PTPRC: variants seen among roughly 807,000 people sequenced by gnomAD.
The protein encoded by PTPRC is protein tyrosine phosphatase receptor type C, also known as receptor-type tyrosine-protein phosphatase C.
PTPRC carries 44 observed loss-of-function variants against 155.9 expected under a neutral mutation model. The observed-to-expected ratio is 0.28, with a 90% CI of 0.22 to 0.36. The LOEUF (loss-of-function observed/expected upper bound fraction) is 0.36, where lower values mean the gene tolerates loss of function less well. Among genes scored for constraint, PTPRC ranks in the 10% least tolerant of loss-of-function variants. The pLI is 1.00. For synonymous variants in PTPRC, 525 were observed against 533.1 expected, an observed-to-expected ratio of 0.98 and a Z score of 0.21; for missense variants, 1,401 against 1,564.6, an observed-to-expected ratio of 0.90 and a Z score of 1.76.
At chr1:198,718,804 C>T (rs1653731957) in intron 14 of PTPRC, among the ~76,000 whole-genome samples, 1 of 152,064 alleles carries the variant, frequency 6.6e-6, no homozygotes, top group Non-Finnish European at 1.5e-5. Context: ...TCATAATATA[C>T]ACATTTATAT....
intron 28 of PTPRC, 106 bp from the exon 29 acceptor site, chr1:198,750,386 T>A (rs781602306): frequency 2.6e-6 from 3 of 1,169,572 alleles, no homozygotes; most frequent in Non-Finnish European, 3.9e-6. Context: ...TATTTGTATG[T>A]AACAGCATTG....
At chr1:198,737,016 T>C (rs533818634) in intron 23 of PTPRC, among the ~76,000 whole-genome samples, 1 of 151,898 alleles carries the variant, frequency 6.6e-6, no homozygotes, top group East Asian at 1.9e-4. Flanking sequence ...TCAGATCTTT[T>C]GCCTATTTAA....
chr1:198,725,889 T>G (rs536964477), intron 15 of PTPRC, among the ~76,000 whole-genome samples: 1 of 152,202 alleles, frequency 6.6e-6, no homozygotes, highest in African/African-American at 2.4e-5. Flanking sequence ...GTTTTCTACC[T>G]TCTACAACTT....
intron 26 of PTPRC, among the ~76,000 whole-genome samples, chr1:198,747,546 G>A (rs1309361494): frequency 6.6e-6 from 1 of 151,822 alleles, no homozygotes; most frequent in East Asian, 1.9e-4. Context: ...AATTGTTGAT[G>A]TTTTACAAGC....
In PTPRC at chr1:198,677,421, C is replaced by T. The variant is rs945638369; in HGVS notation, c.74-14926C>T. Among the ~76,000 whole-genome samples the T allele has an allele frequency of 3.3e-5, 5 of 151,948 alleles. No individual in the cohort carries two copies. The South Asian group carries it at 6.2e-4, about 19-fold the overall frequency. The stretch of plus-strand genomic sequence containing the variant: ...TTTCAGCCAGGAAGAACAACTTTTA[C>T]TTTCTGAAATGTACTAGATTCTCAA... On this transcript the variant is annotated intron_variant, in intron 2 of 32. Transcript: ENST00000442510.
rs117446946 is a variant in PTPRC, at chr1:198,730,665, G to A, written c.1865-952G>A. Among the ~76,000 whole-genome samples, 9 of 152,190 alleles carry A rather than the reference G, an allele frequency of 5.9e-5. No homozygotes were observed. The East Asian group carries it at 1.2e-3, about 20-fold the overall frequency. On this transcript the variant is annotated intron_variant, in intron 17 of 32. Transcript: ENST00000442510. ...AATATTTTATCTCAAAATTGGTACCGATTGCACCTTGGAACGCAGTAGAAT... is the reference window on the plus strand; with the variant it reads ...AATATTTTATCTCAAAATTGGTACCAATTGCACCTTGGAACGCAGTAGAAT...
At chr1:198,743,311 T>G (rs1225578307) in intron 25 of PTPRC, among the ~76,000 whole-genome samples, 2 of 151,696 alleles carry the variant, frequency 1.3e-5, no homozygotes, top group Admixed American at 1.3e-4. Flanking sequence ...ATTTATGTGA[T>G]TTAAAAAAAA....
chr1:198,732,171 A>T, intron 18 of PTPRC, 129 bp from the exon 19 acceptor site: 34 of 804,682 alleles, frequency 4.2e-5, no homozygotes. Context: ...GATTACTCTA[A>T]GCAAATTTTT....
At chr1:198,753,419 GA>G (rs991717500) in intron 31 of PTPRC, among the ~76,000 whole-genome samples, 6 of 151,764 alleles carry the variant, frequency 4.0e-5, no homozygotes, top group African/African-American at 1.5e-4. Context: ...AAGTTTACAT[GA>G]AAAAGAATAT....
chr1:198,704,471 G>A lies in PTPRC; in HGVS notation c.659-1G>A, dbSNP rs1666624060. The A allele has an allele frequency of 6.2e-7, 1 of 1,613,716 alleles. No individual in the cohort carries two copies. On this transcript the variant is annotated splice_acceptor_variant, in intron 7 of 32. Transcript: ENST00000442510. LOFTEE classifies it high-confidence loss of function. The stretch of plus-strand genomic sequence containing the variant: ...ATTTACATTTTTTTTCTCCATTACA[G>A]CTACTACTCCATCTAAGCCAACATG...
At chr1:198,750,353 T>C (rs1430801028) in intron 28 of PTPRC, 139 bp from the exon 29 acceptor site, 4 of 892,666 alleles carry the variant, frequency 4.5e-6, no homozygotes, top group Non-Finnish European at 7.3e-6. Flanking sequence ...CATTGTTTCT[T>C]GTAAGAAACA....
chr1:198,665,262 C>CTT (rs758524383), intron 2 of PTPRC, among the ~76,000 whole-genome samples: 11 of 140,006 alleles, frequency 7.9e-5, no homozygotes, highest in African/African-American at 2.3e-4. Context: ...GCTAATTTTT[C>CTT]TTTTTTTTTT....
intron 11 of PTPRC, among the ~76,000 whole-genome samples, chr1:198,710,188 A>G (rs1653221403): frequency 6.6e-6 from 1 of 152,116 alleles, no homozygotes; most frequent in Non-Finnish European, 1.5e-5. Flanking sequence ...TTCCAGCGCC[A>G]TTTGCTGAAA....
chr1:198,713,193 A>G, intron 12 of PTPRC, 121 bp downstream of exon 12: 3 of 1,366,066 alleles, frequency 2.2e-6, no homozygotes, highest in South Asian at 1.3e-5. Context: ...TAGGCATAGT[A>G]TACTCCCTGA....
At chr1:198,711,041 A>C (rs955077941) in intron 11 of PTPRC, among the ~76,000 whole-genome samples, 4 of 152,076 alleles carry the variant, frequency 2.6e-5, no homozygotes, top group Non-Finnish European at 5.9e-5. Flanking sequence ...TTTTTAGTAG[A>C]GATCAATCTC....
At chr1:198,751,988 T>G (rs551172257) in intron 29 of PTPRC, among the ~76,000 whole-genome samples, 1 of 152,196 alleles carries the variant, frequency 6.6e-6, no homozygotes, top group African/African-American at 2.4e-5. Flanking sequence ...GGAAAACAGC[T>G]GTTCCGGGGG....
At chr1:198,691,875 A>ATTGTTT (rs1331330922) in intron 2 of PTPRC, among the ~76,000 whole-genome samples, 2 of 151,900 alleles carry the variant, frequency 1.3e-5, no homozygotes, top group Non-Finnish European at 2.9e-5. Context: ...GTATTGATTG[A>ATTGTTT]TTGTTTTTGT....
At chr1:198,711,645 C>T (rs182851543) in intron 11 of PTPRC, among the ~76,000 whole-genome samples, 4 of 152,174 alleles carry the variant, frequency 2.6e-5, no homozygotes, top group Admixed American at 2.6e-4. Flanking sequence ...ATTGAATATT[C>T]CTGCTCTTTG....
chr1:198,719,459 C>T (rs1653771484), intron 14 of PTPRC, among the ~76,000 whole-genome samples: 2 of 152,166 alleles, frequency 1.3e-5, no homozygotes, highest in Non-Finnish European at 2.9e-5. Context: ...CTTTGTCTTA[C>T]ATAATTCCCC....
Sources: gnomAD v4.1 joint callset for allele counts (sites outside exome capture counted in the v4.1 genomes callset) on GRCh38, gnomAD v4.1.1 for gene constraint, MANE v1.5 for transcripts, NCBI Gene and HGNC (gene_info 2026-07-23, HGNC 2026-07-21) for gene names.